Variants in CHODL observed in about 807,000 individuals in gnomAD.
CHODL encodes the protein transmembrane protein MT75.
A neutral mutation model predicts 34.5 loss-of-function variants in CHODL; 29 were observed. The observed-to-expected ratio is 0.84, with a 90% CI of 0.63 to 1.15. The LOEUF (loss-of-function observed/expected upper bound fraction) is 1.15. CHODL is among the 50% of genes most tolerant of loss of function. CHODL has a pLI of 0.00. For synonymous variants in CHODL, 125 were observed against 116.1 expected (o/e 1.08, Z -0.49); for missense variants, 332 against 332.5 (o/e 1.00, Z 0.01).
chr21:18,163,130 A>G (rs2073116041), intron 2 of CHODL, among the ~76,000 whole-genome samples: 1 of 152,238 alleles, frequency 6.6e-6, no homozygotes, highest in Non-Finnish European at 1.5e-5. Context: ...TGCTACTATA[A>G]AAATTTTTGT....
At chr21:18,148,234 T>A (rs992118467) in intron 2 of CHODL, among the ~76,000 whole-genome samples, 2 of 152,230 alleles carry the variant, frequency 1.3e-5, no homozygotes, top group Non-Finnish European at 2.9e-5. Flanking sequence ...TTTTATTTTT[T>A]AAGCAATCAC....
At chr21:18,138,492 A>G (rs543958699) in intron 2 of CHODL, among the ~76,000 whole-genome samples, 34 of 151,164 alleles carry the variant, frequency 2.2e-4, no homozygotes, top group African/African-American at 8.4e-4. Flanking sequence ...TTCTGTTATC[A>G]TATTTATAGT....
At chr21:18,044,578 C>T (rs1468373946) in intron 2 of CHODL, among the ~76,000 whole-genome samples, 5 of 151,916 alleles carry the variant, frequency 3.3e-5, no homozygotes, top group African/African-American at 1.2e-4. Context: ...ATATCATTCT[C>T]CAGACACACT....
intron 1 of CHODL, among the ~76,000 whole-genome samples, chr21:18,007,353 T>C (rs1023552933): frequency 1.3e-5 from 2 of 152,220 alleles, no homozygotes; most frequent in East Asian, 3.8e-4. Context: ...AGTGAACTGT[T>C]TTCTGTGTTT....
At position 18,267,367 on chromosome 21, in the gene CHODL, A is replaced by C. The variant is rs547557573; in HGVS notation, c.*1329A>C. The C allele has an allele frequency of 2.6e-5, 4 of 152,342 alleles. No homozygotes were observed. The highest frequency in any genetic ancestry group is 4.4e-5 in the Non-Finnish European group (3 of 68,034). 9.4% of individuals were successfully genotyped at this position (152,342 alleles called of 1,614,324 possible). Reference sequence around the variant, plus strand: ...CCAAATAAAGAGTTCTTGTTTCTGAAGAATGATGACTAGTCCTGTCTAAAC... The same window carrying C: ...CCAAATAAAGAGTTCTTGTTTCTGACGAATGATGACTAGTCCTGTCTAAAC... On this transcript the variant is annotated 3_prime_UTR_variant, in exon 6 of 6. Coordinates refer to ENST00000299295, the MANE Select transcript of CHODL (RefSeq NM_024944.3).
At chr21:18,205,542 T>C (rs897234303) in intron 2 of CHODL, among the ~76,000 whole-genome samples, 56 of 152,168 alleles carry the variant, frequency 3.7e-4, no homozygotes, top group Admixed American at 3.5e-3. Context: ...TTCTTTAAGA[T>C]GCATTGTTAG....
chr21:18,214,119 T>C (rs1198675073), intron 2 of CHODL, among the ~76,000 whole-genome samples: 1 of 152,100 alleles, frequency 6.6e-6, no homozygotes, highest in Non-Finnish European at 1.5e-5. Context: ...ATCCACCTAT[T>C]TCTTCCCTGT....
chr21:18,132,480 A>T (rs1317585842), intron 2 of CHODL, among the ~76,000 whole-genome samples: 1 of 152,186 alleles, frequency 6.6e-6, no homozygotes, highest in African/African-American at 2.4e-5. Context: ...AATATTTTGC[A>T]TAACTAAAGT....
At chr21:17,981,198 G>A (rs1321636094) in intron 1 of CHODL, among the ~76,000 whole-genome samples, 1 of 152,114 alleles carries the variant, frequency 6.6e-6, no homozygotes, top group Non-Finnish European at 1.5e-5. Context: ...CCTGTTTAGA[G>A]CCCCAGCTTC....
intron 2 of CHODL, among the ~76,000 whole-genome samples, chr21:18,096,769 G>T (rs2065144744): frequency 6.6e-6 from 1 of 152,070 alleles, no homozygotes; most frequent in South Asian, 2.1e-4. Context: ...TTTGCCTTGT[G>T]ATCTTTTATT....
At chr21:18,211,487 A>G (rs1222408682) in intron 2 of CHODL, among the ~76,000 whole-genome samples, 1 of 152,136 alleles carries the variant, frequency 6.6e-6, no homozygotes, top group Non-Finnish European at 1.5e-5. Context: ...TCAGAATCTC[A>G]ACAGGTCAGG....
intron 1 of CHODL, among the ~76,000 whole-genome samples, chr21:18,248,766 TATATA>T (rs1308128850): frequency 2.2e-4 from 27 of 120,368 alleles, no homozygotes; most frequent in East Asian, 1.3e-3. Flanking sequence ...ATATATGTTA[TATATA>T]ATATATGTGT....
intron 2 of CHODL, among the ~76,000 whole-genome samples, chr21:18,180,492 G>C (rs2824687): frequency 0.43 from 65,784 of 152,072 alleles, 19,559 homozygotes; most frequent in African/African-American, 0.81. Context: ...GAAACTGCAT[G>C]TTTCCTGTTA....
intron 1 of CHODL, among the ~76,000 whole-genome samples, chr21:17,929,668 G>A (rs1237697088): frequency 2.0e-5 from 3 of 152,224 alleles, no homozygotes; most frequent in Non-Finnish European, 4.4e-5. Flanking sequence ...AGCGATGGGA[G>A]AGCTCCCTGA....
chr21:18,004,459 T>A (rs2063941133), intron 1 of CHODL, among the ~76,000 whole-genome samples: 1 of 152,232 alleles, frequency 6.6e-6, no homozygotes, highest in Non-Finnish European at 1.5e-5. Context: ...GAAAATAAAG[T>A]GATGTGAATA....
At chr21:18,234,487 A>ATTTTGAGTG (rs1187231701) in intron 2 of CHODL, among the ~76,000 whole-genome samples, 1 of 152,046 alleles carries the variant, frequency 6.6e-6, no homozygotes, top group East Asian at 1.9e-4. Flanking sequence ...CATTATGCAT[A>ATTTTGAGTG]TTTTGAGTGT....
chr21:18,089,896 A>G (rs769594994), intron 2 of CHODL, among the ~76,000 whole-genome samples: 8 of 152,228 alleles, frequency 5.3e-5, no homozygotes, highest in Non-Finnish European at 8.8e-5. Context: ...GAAAAGTTTT[A>G]TAGCGGAAGA....
intron 2 of CHODL, among the ~76,000 whole-genome samples, chr21:18,078,785 A>T (rs2064898007): frequency 6.6e-6 from 1 of 152,094 alleles, no homozygotes; most frequent in Admixed American, 6.6e-5. Context: ...GAGTTTATGG[A>T]TGTTGTCTCA....
chr21:17,961,069 T>C (rs2063528603), intron 1 of CHODL, among the ~76,000 whole-genome samples: 1 of 152,208 alleles, frequency 6.6e-6, no homozygotes, highest in Non-Finnish European at 1.5e-5. Context: ...ATCCCCTATA[T>C]TCCGAGTGCC....
Sources: allele counts gnomAD v4.1 joint callset (sites outside exome capture counted in the v4.1 genomes callset), GRCh38; gene constraint gnomAD v4.1.1; transcripts MANE v1.5; gene names NCBI Gene and HGNC (gene_info 2026-07-23, HGNC 2026-07-21).